MTAP: variants seen among roughly 807,000 people sequenced by gnomAD.
The protein encoded by MTAP is methylthioadenosine phosphorylase.
A neutral mutation model predicts 33.6 loss-of-function variants in MTAP; 33 were observed. The observed-to-expected ratio is 0.98, with a 90% CI of 0.74 to 1.31. The LOEUF (loss-of-function observed/expected upper bound fraction) is 1.31. MTAP is among the 40% of genes most tolerant of loss of function. The probability of loss-of-function intolerance (pLI) is 0.00; values close to 1 mark genes in which losing one functional copy is unlikely to be tolerated. For synonymous variants in MTAP, 148 were observed against 125.7 expected, an observed-to-expected ratio of 1.18 and a Z score of -1.19; for missense variants, 367 against 360.0, an observed-to-expected ratio of 1.02 and a Z score of -0.16.
At chr9:21,806,465 CT>C (rs1203403261) in intron 1 of MTAP, among the ~76,000 whole-genome samples, 3 of 152,108 alleles carry the variant, frequency 2.0e-5, no homozygotes, top group Non-Finnish European at 2.9e-5. Flanking sequence ...CCAGATACTG[CT>C]GGTTAGGGGG....
At position 21,816,500 on chromosome 9, in the gene MTAP, C is replaced by T. The variant is rs2118038904; in HGVS notation, c.121-214C>T. On this transcript the variant is annotated intron_variant, in intron 2 of 7. Coordinates refer to ENST00000644715, the MANE Select transcript of MTAP (RefSeq NM_002451.4). ...TGACTAAATGGTACCTACACAGGTG[C>T]CCATGGTAACCTTGAGTCCTGTGAA... Among the ~76,000 whole-genome samples, 2 of 152,264 alleles carry T rather than the reference C, an allele frequency of 1.3e-5. 1 individual carries two copies. The highest frequency in any genetic ancestry group is 1.3e-4 in the Admixed American group (2 of 15,296).
chr9:21,876,868 G>A lies in MTAP; in HGVS notation c.147+21998G>A, dbSNP rs550127635. 8.6e-5 allele frequency among the ~76,000 whole-genome samples: 13 copies of A among 150,698 alleles called. No individual in the cohort carries two copies. In the South Asian group the frequency reaches 2.1e-3, roughly 24 times the overall value. On this transcript the variant is annotated intron_variant, in intron 1 of 1. Coordinates refer to the MTAP transcript ENST00000577563. ...TTGGGCTCTTTTTTTGGTTCCATGTGAATTAAAAAAAAAAATTTCTGTGAA... is the reference window on the plus strand; with the variant it reads ...TTGGGCTCTTTTTTTGGTTCCATGTAAATTAAAAAAAAAAATTTCTGTGAA...
intron 4 of MTAP, among the ~76,000 whole-genome samples, chr9:21,837,560 T>G (rs1474615295): frequency 6.6e-6 from 1 of 152,228 alleles, no homozygotes; most frequent in East Asian, 1.9e-4. Flanking sequence ...TTTCCACGTC[T>G]GTGATGATGA....
intron 1 of MTAP, among the ~76,000 whole-genome samples, chr9:21,894,148 A>G (rs1818247823): frequency 6.6e-6 from 1 of 151,714 alleles, no homozygotes; most frequent in Non-Finnish European, 1.5e-5. Flanking sequence ...AAAAACAAAT[A>G]CCACATTATC....
In MTAP at chr9:21,864,935, A is replaced by T. The variant is rs960473239; in HGVS notation, c.*2921A>T. 3.0e-6 allele frequency: 3 copies of T among 985,344 alleles called. No individual in the cohort carries two copies. The highest frequency in any genetic ancestry group is 3.6e-6 in the Non-Finnish European group (3 of 829,956). The allele number at this position is 985,344 out of a possible 1,614,324, so 61.0% of individuals were successfully genotyped here. On this transcript the variant is annotated 3_prime_UTR_variant, in exon 8 of 8. Transcript: ENST00000644715. ...ATTCATTCTTGTGACAGTGGCCTGA[A>T]CATGTTTTTAATTTTCTCAACAAGC...
At chr9:21,925,685 C>A (rs916389138) in intron 1 of MTAP, among the ~76,000 whole-genome samples, 1 of 152,212 alleles carries the variant, frequency 6.6e-6, no homozygotes, top group African/African-American at 2.4e-5. Context: ...ATGGAACTGC[C>A]CTGAGGGCTG....
chr9:21,848,843 G>A (rs1825442591), intron 5 of MTAP, among the ~76,000 whole-genome samples: 1 of 152,146 alleles, frequency 6.6e-6, no homozygotes, highest in Admixed American at 6.5e-5. Flanking sequence ...GGGAATAATT[G>A]GATTCCAAGG....
chr9:21,817,299 T>C (rs1824500346), intron 3 of MTAP, among the ~76,000 whole-genome samples: 1 of 152,114 alleles, frequency 6.6e-6, no homozygotes, highest in Non-Finnish European at 1.5e-5. Context: ...GTGTAACAAA[T>C]TACCACAAAT....
chr9:21,864,099 G>A lies in MTAP; in HGVS notation c.*2085G>A, dbSNP rs10117507. 0.21 allele frequency: 203,397 copies of A among 985,148 alleles called. 21,816 individuals are homozygous for A. The highest frequency in any genetic ancestry group is 0.39 in the East Asian group (3,391 of 8,794). 61.0% of individuals were successfully genotyped at this position (985,148 alleles called of 1,614,324 possible). A position where few individuals can be genotyped will look rare whatever the true frequency, so the allele number is the denominator to read the frequency against. On this transcript the variant is annotated 3_prime_UTR_variant, in exon 8 of 8. Coordinates refer to ENST00000644715, the MANE Select transcript of MTAP (RefSeq NM_002451.4). ...GGTGTCTAAGAATGTCAGGGCAAAA[G>A]TATGGGCATTTTTCTTGCTATGTTC...
intron 4 of MTAP, among the ~76,000 whole-genome samples, chr9:21,823,713 A>T (rs889259589): frequency 6.6e-6 from 1 of 152,186 alleles, no homozygotes; most frequent in African/African-American, 2.4e-5. Context: ...CTGTTTTCCA[A>T]CTTGGTTCCA....
chr9:21,856,918 G>A (rs1245286172), intron 6 of MTAP, among the ~76,000 whole-genome samples: 1 of 152,170 alleles, frequency 6.6e-6, no homozygotes, highest in African/African-American at 2.4e-5. Flanking sequence ...CAGGGCTCTG[G>A]GTGAGGAGTG....
chr9:21,806,537 G>T (rs1824212484), intron 1 of MTAP, among the ~76,000 whole-genome samples: 1 of 152,116 alleles, frequency 6.6e-6, no homozygotes, highest in Non-Finnish European at 1.5e-5. Context: ...GGCAGGTTGA[G>T]GGAGGGAGGA....
chr9:21,843,506 C>G (rs1239806488), intron 5 of MTAP, among the ~76,000 whole-genome samples: 3 of 152,086 alleles, frequency 2.0e-5, no homozygotes, highest in Non-Finnish European at 4.4e-5. Context: ...TGCCACAAAA[C>G]AAGTCTCAAC....
chr9:21,819,519 T>C (rs1029712151), intron 4 of MTAP, among the ~76,000 whole-genome samples: 1 of 152,234 alleles, frequency 6.6e-6, no homozygotes, highest in African/African-American at 2.4e-5. Flanking sequence ...ATGTGCCACA[T>C]TTTCTTAATC....
chr9:21,899,017 A>G (rs1818343985), intron 1 of MTAP, among the ~76,000 whole-genome samples: 2 of 152,186 alleles, frequency 1.3e-5, no homozygotes, highest in Admixed American at 1.3e-4. Flanking sequence ...GATAAAGAAA[A>G]TGTGGCACAT....
At chr9:21,900,999 G>C (rs1818382515) in intron 1 of MTAP, among the ~76,000 whole-genome samples, 1 of 152,150 alleles carries the variant, frequency 6.6e-6, no homozygotes, top group Admixed American at 6.5e-5. Context: ...GGGAACAACT[G>C]ATGCCAAGGC....
At chr9:21,832,387 A>G (rs1214522589) in intron 4 of MTAP, among the ~76,000 whole-genome samples, 3 of 152,182 alleles carry the variant, frequency 2.0e-5, no homozygotes, top group Non-Finnish European at 4.4e-5. Context: ...TATGGTAAAG[A>G]GTTACGCAAG....
At chr9:21,831,367 T>G (rs1452459041) in intron 4 of MTAP, among the ~76,000 whole-genome samples, 1 of 152,186 alleles carries the variant, frequency 6.6e-6, no homozygotes, top group Non-Finnish European at 1.5e-5. Flanking sequence ...GATAGGATCT[T>G]TCTCTGTTGC....
At chr9:21,900,991 G>A (rs1443084121) in intron 1 of MTAP, among the ~76,000 whole-genome samples, 1 of 152,094 alleles carries the variant, frequency 6.6e-6, no homozygotes, top group Admixed American at 6.6e-5. Context: ...ACAAAGAAGG[G>A]AACAACTGAT....
Sources: gnomAD v4.1 joint callset for allele counts (sites outside exome capture counted in the v4.1 genomes callset) on GRCh38, gnomAD v4.1.1 for gene constraint, MANE v1.5 for transcripts, NCBI Gene and HGNC (gene_info 2026-07-23, HGNC 2026-07-21) for gene names.